The following TAFA5 variants were observed in gnomAD, a reference collection of about 807,000 sequenced individuals.
The protein encoded by TAFA5 is TAFA chemokine like family member 5.
TAFA5 carries 6 observed loss-of-function variants against 15.3 expected under a neutral mutation model. That is an observed-to-expected ratio of 0.39 (90% confidence interval 0.21 to 0.77). The LOEUF (loss-of-function observed/expected upper bound fraction) is 0.77. TAFA5 is among the 30% of genes least tolerant of loss of function. TAFA5 has a pLI of 0.41. For missense variants in TAFA5, 161 were observed against 193.1 expected (o/e 0.83, Z 0.98); for synonymous variants, 103 against 80.7 (o/e 1.28, Z -1.48).
rs1420957185 is a variant in TAFA5 at position 48,695,813 on chromosome 22, TCTGGCGTCACCAGAGTC to T, written c.263-11897_263-11881del. Reference sequence around the variant, plus strand: ...GTGCTGGAAAAAAATAGGCGGGCCCTCTGGCGTCACCAGAGTCCTGGCGAGGGGAGTCAGCGTGGCTG... The same window carrying T: ...GTGCTGGAAAAAAATAGGCGGGCCCTCTGGCGAGGGGAGTCAGCGTGGCTG... On this transcript the variant is annotated intron_variant, in intron 2 of 3. Transcript: ENST00000402357. Among the ~76,000 whole-genome samples, 4 of 152,154 alleles carry T rather than the reference TCTGGCGTCACCAGAGTC, an allele frequency of 2.6e-5. No individual in the cohort carries two copies. In the South Asian group the frequency reaches 8.3e-4, roughly 32 times the overall value.
intron 1 of TAFA5, among the ~76,000 whole-genome samples, chr22:48,573,853 C>T (rs1403625109): frequency 1.3e-5 from 2 of 152,166 alleles, no homozygotes; most frequent in Non-Finnish European, 2.9e-5. Flanking sequence ...ATGATATGCA[C>T]CTGATTGGGG....
chr22:48,711,379 G>A (rs1929249758), intron 3 of TAFA5, among the ~76,000 whole-genome samples: 1 of 151,970 alleles, frequency 6.6e-6, no homozygotes, highest in Non-Finnish European at 1.5e-5. Context: ...GTAGATCTCG[G>A]TGAGTGACCG....
intron 3 of TAFA5, among the ~76,000 whole-genome samples, chr22:48,726,747 T>C (rs13053717): frequency 0.25 from 32,147 of 127,248 alleles, 4,269 homozygotes; most frequent in Admixed American, 0.33. Context: ...GACAGGAAAA[T>C]CACAACCACA....
intron 2 of TAFA5, among the ~76,000 whole-genome samples, chr22:48,707,166 A>C (rs1929104247): frequency 6.7e-6 from 1 of 148,578 alleles, no homozygotes; most frequent in Non-Finnish European, 1.5e-5. Context: ...TGCAGATGAG[A>C]CGAGGCGGGA....
chr22:48,678,120 G>A lies in TAFA5; in HGVS notation c.263-29597G>A, dbSNP rs567020511. 5.1e-4 allele frequency among the ~76,000 whole-genome samples: 78 copies of A among 152,276 alleles called. 1 individual carries two copies. Among genetic ancestry groups the A allele is most frequent in the Non-Finnish European group, 3.5e-4 (24 of 68,012 alleles). ...TCCAGTTCCCTGGTCCTCCTGAGCC[G>A]CCTCCCTCAAACCTCTTTCCTGAAT... On this transcript the variant is annotated intron_variant, in intron 2 of 3. Transcript: ENST00000402357.
chr22:48,646,419 C>T (rs1034024046), intron 1 of TAFA5, among the ~76,000 whole-genome samples, 178 bp from the exon 2 acceptor site: 18 of 152,224 alleles, frequency 1.2e-4, no homozygotes, highest in Admixed American at 9.8e-4. Flanking sequence ...TGGCTTCCAT[C>T]GAGCGCTCCT....
intron 1 of TAFA5, among the ~76,000 whole-genome samples, chr22:48,577,253 G>A (rs914177671): frequency 2.0e-5 from 3 of 152,226 alleles, no homozygotes; most frequent in African/African-American, 7.2e-5. Flanking sequence ...GTACTGGGAA[G>A]CATCTTACTG....
intron 2 of TAFA5, among the ~76,000 whole-genome samples, chr22:48,650,909 G>T (rs1176982848): frequency 6.6e-6 from 1 of 152,140 alleles, no homozygotes; most frequent in Non-Finnish European, 1.5e-5. Flanking sequence ...ATGCAGACGC[G>T]CCAGGTTCCC....
chr22:48,520,714 A>G (rs1189132425), intron 1 of TAFA5, among the ~76,000 whole-genome samples: 2 of 152,130 alleles, frequency 1.3e-5, no homozygotes, highest in African/African-American at 4.8e-5. Context: ...AAGAGGGGGC[A>G]TGGAGCTCTC....
chr22:48,583,691 A>G (rs577020338), intron 1 of TAFA5, among the ~76,000 whole-genome samples: 2 of 132,882 alleles, frequency 1.5e-5, no homozygotes, highest in Admixed American at 1.5e-4. Flanking sequence ...CACACACAAA[A>G]TATACACACG....
chr22:48,722,544 C>T (rs1410253647), intron 3 of TAFA5, among the ~76,000 whole-genome samples: 2 of 151,270 alleles, frequency 1.3e-5, no homozygotes, highest in African/African-American at 4.9e-5. Flanking sequence ...ACATCACACA[C>T]TGGGGCCTGT....
Position 48,590,938 on chromosome 22 carries a change from G to A in TAFA5, c.113-55659G>A, listed in dbSNP as rs950916522. Among the ~76,000 whole-genome samples the A allele has an allele frequency of 2.7e-4, 41 of 151,046 alleles. 1 individual carries two copies. The highest frequency in any genetic ancestry group is 1.6e-3 in the Admixed American group (24 of 15,150). On this transcript the variant is annotated intron_variant, in intron 1 of 3. Transcript: ENST00000402357. ...ATGATCTTGGCTCACTGCAACCTCC[G>A]CCTCCCAGGTTCAAGCAGTTCTCCC...
At chr22:48,519,548 T>C (rs1290868740) in intron 1 of TAFA5, among the ~76,000 whole-genome samples, 1 of 151,946 alleles carries the variant, frequency 6.6e-6, no homozygotes, top group Non-Finnish European at 1.5e-5. Context: ...GAATGCAGAC[T>C]CGGGGTGTGG....
chr22:48,590,636 A>G (rs1924534159), intron 1 of TAFA5, among the ~76,000 whole-genome samples: 1 of 151,342 alleles, frequency 6.6e-6, no homozygotes, highest in Non-Finnish European at 1.5e-5. Flanking sequence ...CAGGACTGTG[A>G]CTCTGAGAGC....
chr22:48,521,275 C>G (rs2147107165), intron 1 of TAFA5, among the ~76,000 whole-genome samples: 1 of 152,226 alleles, frequency 6.6e-6, no homozygotes, highest in South Asian at 2.1e-4. Flanking sequence ...ACCCCTCTTC[C>G]CGATTTGGGT....
intron 2 of TAFA5, among the ~76,000 whole-genome samples, chr22:48,706,801 A>C (rs138081710): frequency 6.6e-6 from 1 of 152,310 alleles, no homozygotes; most frequent in East Asian, 1.9e-4. Context: ...AGAAATGACT[A>C]ATCGTTCTTT....
intron 1 of TAFA5, among the ~76,000 whole-genome samples, chr22:48,624,582 A>G (rs1321771952): frequency 6.6e-6 from 1 of 152,074 alleles, no homozygotes; most frequent in Non-Finnish European, 1.5e-5. Context: ...GGGCTGCTTT[A>G]TTTACCGGGT....
chr22:48,511,799 C>T (rs1387320705), intron 1 of TAFA5, among the ~76,000 whole-genome samples: 3 of 152,268 alleles, frequency 2.0e-5, no homozygotes, highest in African/African-American at 7.2e-5. Context: ...TCTTCCCGCA[C>T]TGGGAGAGCC....
rs145490727 is a variant in TAFA5 at position 48,657,507 on chromosome 22, G to T, written c.262+10761G>T. The stretch of plus-strand genomic sequence containing the variant: ...TCTTCCAAAAAATAGAAGAATAGGG[G>T]CCACTTCTTAACTCACTCTATGAGG... On this transcript the variant is annotated intron_variant, in intron 2 of 3. Coordinates refer to ENST00000402357, the MANE Select transcript of TAFA5 (RefSeq NM_001082967.3). Among the ~76,000 whole-genome samples the T allele has an allele frequency of 2.0e-5, 3 of 152,308 alleles. No homozygotes were observed. The East Asian group carries it at 5.8e-4, about 29-fold the overall frequency.
Sources: allele counts gnomAD v4.1 joint callset (sites outside exome capture counted in the v4.1 genomes callset), GRCh38; gene constraint gnomAD v4.1.1; transcripts MANE v1.5; gene names NCBI Gene and HGNC (gene_info 2026-07-23, HGNC 2026-07-21).